KLHL2: variants seen among roughly 807,000 people sequenced by gnomAD.
KLHL2 encodes kelch-like protein 2.
KLHL2 carries 15 observed loss-of-function variants against 75.8 expected under a neutral mutation model. The observed-to-expected ratio is 0.20, with a 90% CI of 0.13 to 0.30. The LOEUF (loss-of-function observed/expected upper bound fraction) is 0.30. Among genes scored for constraint, KLHL2 ranks in the 10% least tolerant of loss-of-function variants. The pLI, the probability that KLHL2 is intolerant of heterozygous loss-of-function variation, is 1.00. For missense variants in KLHL2, 381 were observed against 741.0 expected, an observed-to-expected ratio of 0.51 and a Z score of 5.64; for synonymous variants, 214 against 251.9, an observed-to-expected ratio of 0.85 and a Z score of 1.42.
At chr4:165,310,497 A>G in intron 9 of KLHL2, 56 bp from the exon 10 acceptor site, 1 of 1,392,242 alleles carries the variant, frequency 7.2e-7, no homozygotes, top group Non-Finnish European at 1.0e-6. Flanking sequence ...CAATCTTTGG[A>G]TATTGGTGGT....
Position 165,279,744 on chromosome 4 carries a change from G to A in KLHL2, c.545-14615G>A, listed in dbSNP as rs146458123. The stretch of plus-strand genomic sequence containing the variant: ...TGACGAGTCCAAAGAGCGAGGCCGC[G>A]CGAGTCCGCTGAACTAGCCTCACTT... On this transcript the variant is annotated intron_variant, in intron 5 of 14. Transcript: ENST00000226725. 1,571 of 921,696 alleles carry A rather than the reference G, an allele frequency of 1.7e-3. 39 individuals are homozygous for A. In the East Asian group the frequency reaches 0.035, roughly 21 times the overall value. The allele number at this position is 921,696 out of a possible 1,614,324, so 57.1% of individuals were successfully genotyped here. A position where few individuals can be genotyped will look rare whatever the true frequency, so the allele number is the denominator to read the frequency against.
At chr4:165,310,272 C>T (rs1292229969) in intron 9 of KLHL2, among the ~76,000 whole-genome samples, 1 of 152,170 alleles carries the variant, frequency 6.6e-6, no homozygotes, top group Non-Finnish European at 1.5e-5. Flanking sequence ...TTGCAGTGAG[C>T]TGAGATGGCG....
At chr4:165,318,386 C>G (rs190283417) in intron 14 of KLHL2, among the ~76,000 whole-genome samples, 1 of 152,218 alleles carries the variant, frequency 6.6e-6, no homozygotes, top group Non-Finnish European at 1.5e-5. Context: ...AAGCATAGTA[C>G]TGGTTGAGTT....
At chr4:165,299,944 A>G (rs1173144635) in intron 8 of KLHL2, among the ~76,000 whole-genome samples, 1 of 152,184 alleles carries the variant, frequency 6.6e-6, no homozygotes, top group Non-Finnish European at 1.5e-5. Context: ...AGCTCTAATT[A>G]TAGTAGAAAG....
At chr4:165,266,919 C>T (rs1742288594) in intron 5 of KLHL2, among the ~76,000 whole-genome samples, 2 of 151,966 alleles carry the variant, frequency 1.3e-5, no homozygotes, top group African/African-American at 4.8e-5. Flanking sequence ...GCAGTATGGC[C>T]ATTTTCAAGA....
At chr4:165,305,766 C>A in intron 9 of KLHL2, 41 bp downstream of exon 9, 1 of 1,303,026 alleles carries the variant, frequency 7.7e-7, no homozygotes, top group South Asian at 1.2e-5. Flanking sequence ...ACTCCTGGGT[C>A]ATTGGGAGCT....
intron 5 of KLHL2, among the ~76,000 whole-genome samples, chr4:165,270,944 A>G (rs1483680828): frequency 6.6e-6 from 1 of 152,094 alleles, no homozygotes; most frequent in Admixed American, 6.5e-5. Context: ...TTTGTCGAAG[A>G]TCAGTTGTTT....
At chr4:165,238,986 C>G in intron 4 of KLHL2, 87 bp downstream of exon 4, 1 of 1,489,838 alleles carries the variant, frequency 6.7e-7, no homozygotes, top group Non-Finnish European at 8.9e-7. Context: ...ATACAATTTG[C>G]ACCAAAATAA....
At chr4:165,300,200 A>C (rs1745240897) in intron 8 of KLHL2, among the ~76,000 whole-genome samples, 4 of 152,098 alleles carry the variant, frequency 2.6e-5, no homozygotes, top group Non-Finnish European at 4.4e-5. Flanking sequence ...GAGGCAGAGA[A>C]TCACCTGAAC....
At chr4:165,300,570 G>A (rs1745270950) in intron 8 of KLHL2, among the ~76,000 whole-genome samples, 1 of 151,950 alleles carries the variant, frequency 6.6e-6, no homozygotes, top group South Asian at 2.1e-4. Flanking sequence ...TTTTAGCTGT[G>A]GCCATTCATA....
At chr4:165,256,142 G>A (rs1741145380) in intron 4 of KLHL2, among the ~76,000 whole-genome samples, 1 of 152,032 alleles carries the variant, frequency 6.6e-6, no homozygotes, top group Non-Finnish European at 1.5e-5. Context: ...TCACACAGAT[G>A]CTAATTGTTT....
intron 1 of KLHL2, chr4:165,209,953 T>G (rs1260438099): frequency 7.1e-7 from 1 of 1,407,782 alleles, no homozygotes; most frequent in Non-Finnish European, 9.4e-7. Context: ...CCCTCCACCA[T>G]GGATCCCGTG....
intron 11 of KLHL2, among the ~76,000 whole-genome samples, chr4:165,312,632 T>C (rs1336506370): frequency 6.6e-6 from 1 of 152,220 alleles, no homozygotes; most frequent in Non-Finnish European, 1.5e-5. Context: ...GCAATCCTGC[T>C]TCCCTTGGCT....
At chr4:165,244,669 G>A (rs887197619) in intron 4 of KLHL2, among the ~76,000 whole-genome samples, 12 of 152,092 alleles carry the variant, frequency 7.9e-5, no homozygotes, top group African/African-American at 2.9e-4. Flanking sequence ...AAGGAACAGG[G>A]AACAAAGCGT....
chr4:165,273,426 A>G (rs1421200263), intron 5 of KLHL2, among the ~76,000 whole-genome samples: 1 of 152,198 alleles, frequency 6.6e-6, no homozygotes, highest in Non-Finnish European at 1.5e-5. Flanking sequence ...AATCCAGAAT[A>G]ATACTATAAA....
intron 8 of KLHL2, among the ~76,000 whole-genome samples, chr4:165,301,826 C>A (rs941005440): frequency 1.3e-5 from 2 of 152,002 alleles, no homozygotes; most frequent in African/African-American, 4.8e-5. Context: ...CATCTTCAGA[C>A]TTTCCTATAT....
At chr4:165,285,209 G>A (rs1470103442) in intron 5 of KLHL2, among the ~76,000 whole-genome samples, 4 of 152,150 alleles carry the variant, frequency 2.6e-5, no homozygotes, top group Non-Finnish European at 5.9e-5. Context: ...TATAGAAGCT[G>A]TGTCAGGTGA....
Position 165,250,416 on chromosome 4 carries a change from A to ATATT in KLHL2, c.381+11520_381+11523dup, listed in dbSNP as rs150819858. Among the ~76,000 whole-genome samples, 416 of 152,322 alleles carry ATATT rather than the reference A, an allele frequency of 2.7e-3. 1 individual carries two copies. The highest frequency in any genetic ancestry group is 9.6e-3 in the African/African-American group (400 of 41,570). On this transcript the variant is annotated intron_variant, in intron 4 of 14. Coordinates refer to ENST00000226725, the MANE Select transcript of KLHL2 (RefSeq NM_007246.4). ...ATTTGAATTATACGTATAATGCTGC[A>ATATT]TATTTACATTAATGTGGAACAACTC...
chr4:165,220,006 A>C lies in KLHL2; in HGVS notation c.99A>C (p.Thr33=). 1 of 1,613,616 alleles carries C rather than the reference A, an allele frequency of 6.2e-7. No homozygotes were observed. Among genetic ancestry groups the C allele is most frequent in the South Asian group, 1.1e-5 (1 of 90,988 alleles). ...ATACCGAAAAACACTGCCCAGTGAC[A>C]GTGAATCCTTGGCATATGAAGAAAG... ...DDNTEKHCPV[T]VNPWHMKKAF... The change falls in exon 2 of 15, where the codon ACA becomes ACC. Residue 33 remains threonine, a synonymous_variant. Coordinates refer to ENST00000226725, the MANE Select transcript of KLHL2 (RefSeq NM_007246.4).
Sources: gnomAD v4.1 joint callset for allele counts (sites outside exome capture counted in the v4.1 genomes callset) on GRCh38, gnomAD v4.1.1 for gene constraint, MANE v1.5 for transcripts, NCBI Gene and HGNC (gene_info 2026-07-23, HGNC 2026-07-21) for gene names.